TCERG1L: variants seen among roughly 807,000 people sequenced by gnomAD.
The protein encoded by TCERG1L is transcription elongation regulator 1-like protein.
A neutral mutation model predicts 56.3 loss-of-function variants in TCERG1L; 37 were observed. The ratio of observed to expected loss-of-function variants is 0.66; its 90% CI spans 0.51 to 0.87. The LOEUF is 0.87. Ranked by LOEUF, TCERG1L falls within the 40% of genes least tolerant of loss-of-function variation. The probability of loss-of-function intolerance (pLI) is 0.00; values close to 1 mark genes in which losing one functional copy is unlikely to be tolerated. For missense variants in TCERG1L, 799 were observed against 774.2 expected, an observed-to-expected ratio of 1.03 and a Z score of -0.38; for synonymous variants, 324 against 326.3, an observed-to-expected ratio of 0.99 and a Z score of 0.08.
Position 131,260,526 on chromosome 10 carries a change from A to C in TCERG1L, c.671-82T>G. On this transcript the variant is annotated intron_variant, in intron 3 of 11. Transcript: ENST00000368642. This position sits in a 1 kb window ranked among gnomAD's most constrained non-coding sequence, Gnocchi z 5.8. ...GATGCCCATCTCGCTACCGCAAGAT[A>C]TCAGCCCCCAGAAAACAGGTGAGGG... 1 of 1,306,460 alleles carries C rather than the reference A, an allele frequency of 7.7e-7. No homozygotes were observed. The allele number at this position is 1,306,460 out of a possible 1,614,324, so 80.9% of individuals were successfully genotyped here. A position where few individuals can be genotyped will look rare whatever the true frequency, so the allele number is the denominator to read the frequency against.
At chr10:131,218,017 C>T (rs1432917811) in intron 4 of TCERG1L, among the ~76,000 whole-genome samples, 4 of 152,160 alleles carry the variant, frequency 2.6e-5, no homozygotes, top group South Asian at 4.1e-4. Context: ...AGCCAACGCA[C>T]CCGGCTGTAG....
intron 4 of TCERG1L, among the ~76,000 whole-genome samples, chr10:131,180,495 C>T (rs148951872): frequency 1.1e-4 from 17 of 152,296 alleles, no homozygotes; most frequent in South Asian, 8.3e-4. Flanking sequence ...CATTCATTTT[C>T]GGGTACTATC....
At chr10:131,107,004 A>G (rs1263250278) in intron 9 of TCERG1L, among the ~76,000 whole-genome samples, 2 of 141,290 alleles carry the variant, frequency 1.4e-5, no homozygotes, top group Non-Finnish European at 3.1e-5. Flanking sequence ...GCAAGGTGGC[A>G]ACTCTGGGAG....
rs566177752 is a variant in TCERG1L, at chr10:131,208,474, G to A, written c.857-41589C>T. Among the ~76,000 whole-genome samples, 26 of 152,328 alleles carry A rather than the reference G, an allele frequency of 1.7e-4. No homozygotes were observed. The East Asian group carries it at 1.7e-3, about 10-fold the overall frequency. ...GCCGAGAACGCCCGGTTCACAGGCT[G>A]CTTCCACGTCCTCAGCATCCCCTTC... On this transcript the variant is annotated intron_variant, in intron 4 of 11. Transcript: ENST00000368642.
chr10:131,119,161 T>C (rs558533499), intron 8 of TCERG1L, among the ~76,000 whole-genome samples: 2 of 152,198 alleles, frequency 1.3e-5, no homozygotes, highest in African/African-American at 2.4e-5. Flanking sequence ...GTTTCCTCAC[T>C]TGGCAGGTCT....
intron 11 of TCERG1L, chr10:131,095,753 A>G (rs1320634431): frequency 6.6e-6 from 1 of 152,238 alleles, no homozygotes; most frequent in Non-Finnish European, 1.5e-5. Flanking sequence ...TTAAATATAT[A>G]CAATAAAATT....
intron 3 of TCERG1L, among the ~76,000 whole-genome samples, chr10:131,262,982 G>C (rs1846248658): frequency 6.6e-6 from 1 of 152,000 alleles, no homozygotes; most frequent in Non-Finnish European, 1.5e-5. Context: ...GTTCCTCCAT[G>C]TCTTCTCATG....
Position 131,101,550 on chromosome 10 carries a change from C to T in TCERG1L, c.1485+2715G>A, listed in dbSNP as rs183226212. On this transcript the variant is annotated intron_variant, in intron 10 of 11. Transcript: ENST00000368642. ...CCACGCACGCCACACACAACCCACA[C>T]GCCACACACAGCACACATGCCACAC... 3.8e-3 allele frequency among the ~76,000 whole-genome samples: 573 copies of T among 152,212 alleles called. 5 individuals are homozygous for T. Among genetic ancestry groups the T allele is most frequent in the African/African-American group, 0.013 (539 of 41,532 alleles).
rs368695838 is a variant in TCERG1L, at chr10:131,200,568, C to T, written c.857-33683G>A. On this transcript the variant is annotated intron_variant, in intron 4 of 11. Transcript: ENST00000368642. ...GTGTTCCACCATTGTATTTTGGAAT[C>T]GGATGACTTGCTTGATTTCGCAGGC... 5.6e-4 allele frequency among the ~76,000 whole-genome samples: 86 copies of T among 152,268 alleles called. No homozygotes were observed. The Middle Eastern group carries it at 0.017, about 30-fold the overall frequency.
intron 4 of TCERG1L, among the ~76,000 whole-genome samples, chr10:131,243,126 A>T (rs1300150908): frequency 6.6e-6 from 1 of 152,148 alleles, no homozygotes; most frequent in Non-Finnish European, 1.5e-5. Flanking sequence ...GGGGCTGTGC[A>T]AGATTTTGGT....
At chr10:131,298,574 C>T (rs546111927) in intron 3 of TCERG1L, among the ~76,000 whole-genome samples, 14 of 152,206 alleles carry the variant, frequency 9.2e-5, no homozygotes, top group Admixed American at 2.0e-4. Flanking sequence ...CCACCACACC[C>T]GGCTAATTTT....
chr10:131,236,836 C>G (rs1048022536), intron 4 of TCERG1L, among the ~76,000 whole-genome samples: 3 of 152,088 alleles, frequency 2.0e-5, no homozygotes, highest in Non-Finnish European at 4.4e-5. Context: ...CAGCCTTCAT[C>G]TAGTCTAGGT....
chr10:131,239,006 T>G (rs1282317046), intron 4 of TCERG1L, among the ~76,000 whole-genome samples: 1 of 152,072 alleles, frequency 6.6e-6, no homozygotes, highest in African/African-American at 2.4e-5. Flanking sequence ...TCCGAGAACA[T>G]AAAAGCCAAA....
chr10:131,241,983 C>T (rs1317427431), intron 4 of TCERG1L, among the ~76,000 whole-genome samples: 3 of 152,102 alleles, frequency 2.0e-5, no homozygotes, highest in Non-Finnish European at 4.4e-5. Flanking sequence ...TAGAGCAATT[C>T]CTTTAAAATG....
chr10:131,266,639 G>A (rs1053513760), intron 3 of TCERG1L, among the ~76,000 whole-genome samples: 6 of 152,192 alleles, frequency 3.9e-5, no homozygotes, highest in Non-Finnish European at 1.5e-5. Context: ...TCAGCAGAGA[G>A]GAGGCCCTGG....
At chr10:131,236,308 AC>A (rs1191101827) in intron 4 of TCERG1L, among the ~76,000 whole-genome samples, 1 of 152,194 alleles carries the variant, frequency 6.6e-6, no homozygotes, top group Non-Finnish European at 1.5e-5. Context: ...AGCTATTGCT[AC>A]CTTTTTTTCC....
intron 4 of TCERG1L, among the ~76,000 whole-genome samples, chr10:131,204,143 C>A (rs2133478838): frequency 6.6e-6 from 1 of 152,362 alleles, no homozygotes; most frequent in Middle Eastern, 3.4e-3. Flanking sequence ...GAGGCGCCAT[C>A]TTGGAAGCCT....
intron 10 of TCERG1L, among the ~76,000 whole-genome samples, chr10:131,100,075 C>A (rs1845290659): frequency 1.3e-5 from 2 of 152,158 alleles, no homozygotes; most frequent in South Asian, 4.1e-4. Context: ...CCATGTTGGC[C>A]AGCCTGGTTG....
chr10:131,193,932 C>T (rs937139589), intron 4 of TCERG1L, among the ~76,000 whole-genome samples: 5 of 152,218 alleles, frequency 3.3e-5, no homozygotes, highest in Non-Finnish European at 5.9e-5. Flanking sequence ...ACTGAGCCCC[C>T]ACAGGGGGAT....
Sources: gnomAD v4.1 joint callset for allele counts (sites outside exome capture counted in the v4.1 genomes callset) on GRCh38, gnomAD v4.1.1 for gene constraint, Gnocchi (gnomAD v3.1) non-coding constraint, MANE v1.5 for transcripts, NCBI Gene and HGNC (gene_info 2026-07-23, HGNC 2026-07-21) for gene names.